ZSCAN25: variants seen among roughly 807,000 people sequenced by gnomAD.
ZSCAN25 encodes the protein zinc finger and SCAN domain containing 25, also known as zinc finger and SCAN domain-containing protein 25.
Under a neutral mutation model 38.7 loss-of-function variants are expected in ZSCAN25, and 27 were observed. The ratio of observed to expected loss-of-function variants is 0.70; its 90% CI spans 0.51 to 0.96. The LOEUF is 0.96. Ranked by LOEUF, ZSCAN25 falls within the 40% of genes least tolerant of loss-of-function variation. The pLI is 0.00. For missense variants in ZSCAN25, 637 were observed against 705.9 expected (o/e 0.90, Z 1.11); for synonymous variants, 273 against 277.7 (o/e 0.98, Z 0.17).
the ZSCAN25 span, among the ~76,000 whole-genome samples, chr7:99,686,810 A>G: frequency 6.6e-6 from 1 of 152,094 alleles, no homozygotes; most frequent in Admixed American, 6.5e-5. Flanking sequence ...TCTGAGACAA[A>G]CCTTCCAGAG....
chr7:99,710,902 G>A, the ZSCAN25 span: 2 of 1,613,594 alleles, frequency 1.2e-6, no homozygotes, highest in African/African-American at 1.3e-5. Flanking sequence ...GCTGAAAGGA[G>A]AGAAAAGACA....
At chr7:99,696,248 T>C in the ZSCAN25 span, among the ~76,000 whole-genome samples, 2 of 151,868 alleles carry the variant, frequency 1.3e-5, no homozygotes, top group South Asian at 2.1e-4. Context: ...TTTTTTTTTT[T>C]TCTCTTCTGC....
the ZSCAN25 span, chr7:99,665,032 G>C: frequency 3.4e-6 from 3 of 870,714 alleles, no homozygotes; most frequent in Admixed American, 2.9e-5. Context: ...AATAGTAATG[G>C]TCATACATAT....
chr7:99,661,192 T>G, the ZSCAN25 span, among the ~76,000 whole-genome samples: 221 of 152,334 alleles, frequency 1.5e-3, no homozygotes, highest in Non-Finnish European at 2.6e-3. Context: ...GATCACCTCT[T>G]GCTACTCAAA....
the ZSCAN25 span, chr7:99,660,006 C>A: frequency 3.0e-5 from 5 of 165,124 alleles, no homozygotes; most frequent in Non-Finnish European, 6.3e-5. Flanking sequence ...TGACCCCTTG[C>A]ACTTCCCAGG....
the ZSCAN25 span, among the ~76,000 whole-genome samples, chr7:99,682,999 C>A: frequency 1.3e-5 from 2 of 152,140 alleles, no homozygotes; most frequent in African/African-American, 4.8e-5. Context: ...TTTATCAGAT[C>A]TAATAGTTCT....
At chr7:99,638,743 ATTTTGC>A in the ZSCAN25 span, 1 of 1,168,946 alleles carries the variant, frequency 8.6e-7, no homozygotes, top group Non-Finnish European at 1.3e-6. Context: ...GTTCCCGAAG[ATTTTGC>A]ATAGCACTTT....
At chr7:99,736,547 A>T in the ZSCAN25 span, among the ~76,000 whole-genome samples, 1 of 152,188 alleles carries the variant, frequency 6.6e-6, no homozygotes, top group Non-Finnish European at 1.5e-5. Flanking sequence ...GCTCATTATC[A>T]TCACTCACAC....
At chr7:99,658,220 C>T in the ZSCAN25 span, among the ~76,000 whole-genome samples, 1 of 152,086 alleles carries the variant, frequency 6.6e-6, no homozygotes, top group Admixed American at 6.6e-5. Context: ...TGGCTGGTAC[C>T]AGTTGTTCCT....
the ZSCAN25 span, chr7:99,672,481 C>T: frequency 1.4e-4 from 153 of 1,069,616 alleles, 1 homozygote; most frequent in Middle Eastern, 9.0e-4. Context: ...CCTTCCTGTA[C>T]ATTTTTTAGG....
chr7:99,628,785 C>T (rs919032418), intron 7 of ZSCAN25, among the ~76,000 whole-genome samples: 1 of 151,960 alleles, frequency 6.6e-6, no homozygotes, highest in Non-Finnish European at 1.5e-5. Context: ...TTGGGGAAGG[C>T]GCAGGACATC....
At chr7:99,718,136 G>C in the ZSCAN25 span, among the ~76,000 whole-genome samples, 2 of 152,080 alleles carry the variant, frequency 1.3e-5, no homozygotes, top group East Asian at 1.9e-4. Context: ...GTGGGGAGAG[G>C]GGGGAAGGAT....
intron 7 of ZSCAN25, among the ~76,000 whole-genome samples, chr7:99,628,786 G>A (rs930426293): frequency 6.6e-5 from 10 of 152,006 alleles, no homozygotes; most frequent in African/African-American, 1.9e-4. Context: ...TGGGGAAGGC[G>A]CAGGACATCT....
chr7:99,679,966 G>C, the ZSCAN25 span: 4 of 1,404,220 alleles, frequency 2.8e-6, no homozygotes, highest in African/African-American at 5.7e-5. Context: ...TTGCTGGGCT[G>C]TTTGCCTGGA....
At chr7:99,718,182 T>G in the ZSCAN25 span, among the ~76,000 whole-genome samples, 1 of 151,738 alleles carries the variant, frequency 6.6e-6, no homozygotes, top group Non-Finnish European at 1.5e-5. Flanking sequence ...AAATGATGAG[T>G]TAATGAGTAC....
At chr7:99,674,875 T>G in the ZSCAN25 span, among the ~76,000 whole-genome samples, 1 of 152,256 alleles carries the variant, frequency 6.6e-6, no homozygotes, top group Non-Finnish European at 1.5e-5. Flanking sequence ...TTGCTTTTTC[T>G]TTTATTCTCT....
chr7:99,733,352 G>A, the ZSCAN25 span, among the ~76,000 whole-genome samples: 6 of 152,292 alleles, frequency 3.9e-5, no homozygotes, highest in Admixed American at 1.3e-4. Flanking sequence ...CAAGGCAGAG[G>A]CTGTGCTTGG....
the ZSCAN25 span, among the ~76,000 whole-genome samples, chr7:99,691,555 C>T: frequency 6.6e-6 from 1 of 152,090 alleles, no homozygotes; most frequent in Non-Finnish European, 1.5e-5. Flanking sequence ...TCTCTAAGGA[C>T]TGCTTTATGA....
the ZSCAN25 span, chr7:99,666,709 G>T: frequency 6.2e-7 from 1 of 1,614,006 alleles, no homozygotes; most frequent in Non-Finnish European, 8.5e-7. Context: ...AAACAGATCA[G>T]TACCTGTAGT....
Sources: gnomAD v4.1 joint callset for allele counts (sites outside exome capture counted in the v4.1 genomes callset) on GRCh38, gnomAD v4.1.1 for gene constraint, MANE v1.5 for transcripts, NCBI Gene and HGNC (gene_info 2026-07-23, HGNC 2026-07-21) for gene names.